NSD1: variants seen among roughly 807,000 people sequenced by gnomAD.
The protein encoded by NSD1 is histone-lysine N-methyltransferase, H3 lysine-36 specific.
A neutral mutation model predicts 242.7 loss-of-function variants in NSD1; 26 were observed. That is an observed-to-expected ratio of 0.11 (90% CI 0.08 to 0.15). The LOEUF (loss-of-function observed/expected upper bound fraction) is 0.15, where lower values mean the gene tolerates loss of function less well. Ranked by LOEUF, NSD1 falls within the 10% of genes least tolerant of loss-of-function variation. The pLI is 1.00. For missense variants in NSD1, 2,495 were observed against 3,272.8 expected (o/e 0.76, Z 5.80); for synonymous variants, 1,106 against 1,178.1 (o/e 0.94, Z 1.25).
chr5:177,291,897 T>A (rs1759863606), intron 21 of NSD1, 57 bp from the exon 22 acceptor site: 1 of 1,510,648 alleles, frequency 6.6e-7, no homozygotes, highest in African/African-American at 1.4e-5. Flanking sequence ...GTTAACCCGG[T>A]TAAGATTGGT....
At chr5:177,266,390 T>C in intron 14 of NSD1, 1 of 665,750 alleles carries the variant, frequency 1.5e-6, no homozygotes, top group Non-Finnish European at 2.8e-6. Context: ...ATGCAGAGGA[T>C]GCTTGTGTCC....
At chr5:177,293,745 C>G (rs1446129824) in intron 22 of NSD1, 87 bp from the exon 23 acceptor site, 21 of 1,437,870 alleles carry the variant, frequency 1.5e-5, no homozygotes, top group Non-Finnish European at 1.9e-5. Context: ...AGGTCATCAT[C>G]CACACCTTCG....
chr5:177,149,251 T>TAAAAAAA (rs1757507506), intron 2 of NSD1, among the ~76,000 whole-genome samples: 1 of 151,532 alleles, frequency 6.6e-6, no homozygotes. Flanking sequence ...GGAATGTTGC[T>TAAAAAAA]CTTGTTGCCC....
At chr5:177,226,158 C>T (rs1764613451) in intron 5 of NSD1, among the ~76,000 whole-genome samples, 1 of 152,054 alleles carries the variant, frequency 6.6e-6, no homozygotes, top group African/African-American at 2.4e-5. Flanking sequence ...GCAATCCTCC[C>T]ACATCAGCTT....
At chr5:177,277,730 G>A (rs1758513066) in intron 17 of NSD1, among the ~76,000 whole-genome samples, 1 of 152,062 alleles carries the variant, frequency 6.6e-6, no homozygotes, top group South Asian at 2.1e-4. Context: ...AAAAAAATTT[G>A]GGGTGCCTGT....
At position 177,296,944 on chromosome 5, in the gene NSD1, C is replaced by T. The variant is rs1760295886; in HGVS notation, c.*1485C>T. The T allele has an allele frequency of 4.3e-6, 1 of 233,202 alleles. No individual in the cohort carries two copies. Among genetic ancestry groups the T allele is most frequent in the Non-Finnish European group, 8.5e-6 (1 of 118,086 alleles). 14.4% of individuals were successfully genotyped at this position (233,202 alleles called of 1,614,324 possible). On this transcript the variant is annotated 3_prime_UTR_variant, in exon 23 of 23. Coordinates refer to ENST00000439151, the MANE Select transcript of NSD1 (RefSeq NM_022455.5). ...CATCCCCGGCCCTAACGTCTCCTGG[C>T]CATTATCTCTTAGTTATGGCTTTCA...
At chr5:177,219,724 G>A (rs958832019) in intron 5 of NSD1, among the ~76,000 whole-genome samples, 1 of 152,088 alleles carries the variant, frequency 6.6e-6, no homozygotes, top group Admixed American at 6.6e-5. Context: ...CAGCACTTTG[G>A]GAGGCCAAGG....
At chr5:177,259,338 G>A (rs531534021) in intron 13 of NSD1, among the ~76,000 whole-genome samples, 2 of 152,330 alleles carry the variant, frequency 1.3e-5, no homozygotes, top group South Asian at 2.1e-4. Context: ...GTTTCGATGA[G>A]TGTGATGGTG....
intron 5 of NSD1, among the ~76,000 whole-genome samples, chr5:177,230,264 T>C (rs1465470815): frequency 6.6e-6 from 1 of 152,122 alleles, no homozygotes; most frequent in Non-Finnish European, 1.5e-5. Flanking sequence ...CTTTATTTTT[T>C]ATTTAGGGAA....
chr5:177,224,051 A>C (rs1214304627), intron 5 of NSD1, among the ~76,000 whole-genome samples: 1 of 152,254 alleles, frequency 6.6e-6, no homozygotes, highest in Non-Finnish European at 1.5e-5. Flanking sequence ...AATTAATTAC[A>C]GTATTTTTGT....
intron 2 of NSD1, among the ~76,000 whole-genome samples, chr5:177,167,629 CTG>C (rs1759322118): frequency 1.3e-5 from 2 of 152,060 alleles, no homozygotes; most frequent in African/African-American, 2.4e-5. Flanking sequence ...CTAGTACACA[CTG>C]TTTTTGATTA....
intron 2 of NSD1, among the ~76,000 whole-genome samples, chr5:177,185,789 T>TTA (rs1158888825): frequency 3.4e-3 from 80 of 23,796 alleles, no homozygotes; most frequent in African/African-American, 4.0e-3. Context: ...TATATGTATA[T>TTA]TATATATATA....
At chr5:177,157,781 C>T (rs764580835) in intron 2 of NSD1, among the ~76,000 whole-genome samples, 3 of 152,172 alleles carry the variant, frequency 2.0e-5, no homozygotes, top group Non-Finnish European at 1.5e-5. Flanking sequence ...TCCTCTAGCC[C>T]CTCACAACCA....
chr5:177,223,794 C>T (rs1185149897), intron 5 of NSD1, among the ~76,000 whole-genome samples: 1 of 151,912 alleles, frequency 6.6e-6, no homozygotes, highest in East Asian at 1.9e-4. Context: ...ACCATCGTGT[C>T]CAACATGAGG....
At chr5:177,202,686 T>G (rs1358792702) in intron 3 of NSD1, among the ~76,000 whole-genome samples, 1 of 152,174 alleles carries the variant, frequency 6.6e-6, no homozygotes, top group South Asian at 2.1e-4. Context: ...GCCAGTTCAA[T>G]GTATTGACTC....
At chr5:177,262,003 A>C (rs540160480) in intron 14 of NSD1, among the ~76,000 whole-genome samples, 95 of 152,336 alleles carry the variant, frequency 6.2e-4, no homozygotes, top group African/African-American at 2.2e-3. Context: ...CTCTTCAGGC[A>C]AATTGCTTTA....
chr5:177,241,558 A>C (rs569195925), intron 8 of NSD1, among the ~76,000 whole-genome samples: 1 of 152,000 alleles, frequency 6.6e-6, no homozygotes, highest in South Asian at 2.1e-4. Context: ...ACCCTCTCTT[A>C]GATTCCCAGT....
At position 177,210,706 on chromosome 5, in the gene NSD1, G is replaced by C. The variant is rs2149845170; in HGVS notation, c.2307G>C (p.Lys769Asn). Reference protein sequence around the residue: ...SSISSENSLIKGGAANQALLH... With the variant: ...SSISSENSLINGGAANQALLH... ...TATCCAGTGAGAACTCGTTAATAAAGGGTGGGGCAGCAAATCAAGCTCTAT... is the reference window on the plus strand; with the variant it reads ...TATCCAGTGAGAACTCGTTAATAAACGGTGGGGCAGCAAATCAAGCTCTAT... Residue 769 changes from lysine to asparagine, a missense_variant, in exon 5 of 23, where the codon AAG becomes AAC. Around this residue, in one of 19 missense-constraint regions of NSD1, gnomAD observed 515 missense variants for 467.0 expected, o/e 1.10. Coordinates refer to ENST00000439151, the MANE Select transcript of NSD1 (RefSeq NM_022455.5). 6.2e-7 allele frequency: 1 copy of C among 1,614,172 alleles called. No individual in the cohort carries two copies. Among genetic ancestry groups the C allele is most frequent in the East Asian group, 2.2e-5 (1 of 44,884 alleles).
chr5:177,147,881 C>T (rs1200999271), intron 2 of NSD1, among the ~76,000 whole-genome samples: 5 of 152,072 alleles, frequency 3.3e-5, no homozygotes, highest in Non-Finnish European at 5.9e-5. Flanking sequence ...TGAGCCACTG[C>T]GCACGGCCCT....
Sources: gnomAD v4.1 joint callset for allele counts (sites outside exome capture counted in the v4.1 genomes callset) on GRCh38, gnomAD v4.1.1 for gene constraint, gnomAD v4.1.1 regional missense constraint, MANE v1.5 for transcripts, NCBI Gene and HGNC (gene_info 2026-07-23, HGNC 2026-07-21) for gene names.